Variants in PRKCE observed in about 807,000 individuals in gnomAD.
PRKCE encodes protein kinase C epsilon.
PRKCE carries 16 observed loss-of-function variants against 85.4 expected under a neutral mutation model. The ratio of observed to expected loss-of-function variants is 0.19; its 90% CI spans 0.13 to 0.28. The LOEUF (loss-of-function observed/expected upper bound fraction) is 0.28. Ranked by LOEUF, PRKCE falls within the 10% of genes least tolerant of loss-of-function variation. The probability of loss-of-function intolerance (pLI) is 1.00; values close to 1 mark genes in which losing one functional copy is unlikely to be tolerated. For missense variants in PRKCE, 573 were observed against 975.2 expected (o/e 0.59, Z 5.49); for synonymous variants, 388 against 371.5 (o/e 1.04, Z -0.51).
chr2:46,111,862 A>G (rs766622392), intron 11 of PRKCE, among the ~76,000 whole-genome samples: 7 of 152,162 alleles, frequency 4.6e-5, no homozygotes, highest in Non-Finnish European at 8.8e-5. Flanking sequence ...TAGTGACTCC[A>G]TGTTTAACTG....
chr2:46,068,400 A>T lies in PRKCE; in HGVS notation c.1438-17808A>T, dbSNP rs1179403713. Among the ~76,000 whole-genome samples, 1 of 152,198 alleles carries T rather than the reference A, an allele frequency of 6.6e-6. No individual in the cohort carries two copies. The highest frequency in any genetic ancestry group is 1.5e-5 in the Non-Finnish European group (1 of 68,026). ...AGTTCAGACAATCATAGCAGAGCAG[A>T]ACCAAAATGATATTAAATATATTAA... On this transcript the variant is annotated intron_variant, in intron 10 of 14. Coordinates refer to ENST00000306156, the MANE Select transcript of PRKCE (RefSeq NM_005400.3). This position sits in a 1 kb window ranked among gnomAD's most constrained non-coding sequence, Gnocchi z 4.3.
chr2:45,737,798 C>T (rs1320504338), intron 1 of PRKCE, among the ~76,000 whole-genome samples: 1 of 152,156 alleles, frequency 6.6e-6, no homozygotes, highest in Non-Finnish European at 1.5e-5. Flanking sequence ...CTAAGACTCA[C>T]CCCCTCTGCT....
chr2:45,670,126 T>A (rs1028480746), intron 1 of PRKCE, among the ~76,000 whole-genome samples: 1 of 152,238 alleles, frequency 6.6e-6, no homozygotes, highest in Admixed American at 6.5e-5. Context: ...CTCTGCTAGC[T>A]GAAGAGGTGG....
intron 10 of PRKCE, among the ~76,000 whole-genome samples, chr2:46,032,930 G>A (rs1342279154): frequency 6.6e-6 from 1 of 152,108 alleles, no homozygotes; most frequent in Non-Finnish European, 1.5e-5. Flanking sequence ...AATTCATCAT[G>A]GACTGGAAAC....
At chr2:45,771,443 G>C (rs1332893566) in intron 1 of PRKCE, among the ~76,000 whole-genome samples, 1 of 152,120 alleles carries the variant, frequency 6.6e-6, no homozygotes, top group African/African-American at 2.4e-5. Flanking sequence ...GGTGGAGATG[G>C]AGAACCTGTC....
rs988439506 is a variant in PRKCE, at chr2:45,954,754, G to T, written c.413-21675G>T. 2.0e-5 allele frequency among the ~76,000 whole-genome samples: 3 copies of T among 152,180 alleles called. No homozygotes were observed. In the South Asian group the frequency reaches 6.2e-4, roughly 32 times the overall value. ...ATGCAAGTACTTATTGCATGCTCTT[G>T]TAGGCCCTTTAGGGATTGTTAAACT... On this transcript the variant is annotated intron_variant, in intron 2 of 14. Coordinates refer to ENST00000306156, the MANE Select transcript of PRKCE (RefSeq NM_005400.3).
chr2:46,180,353 C>G (rs1224368722), intron 14 of PRKCE, among the ~76,000 whole-genome samples: 1 of 152,120 alleles, frequency 6.6e-6, no homozygotes, highest in Non-Finnish European at 1.5e-5. Context: ...GGGAGATGAA[C>G]CTGGGGGATG....
At chr2:46,013,160 A>G (rs1371643862) in intron 10 of PRKCE, among the ~76,000 whole-genome samples, 1 of 152,248 alleles carries the variant, frequency 6.6e-6, no homozygotes, top group Non-Finnish European at 1.5e-5. Flanking sequence ...AAGGAACCTG[A>G]TGAAGAATCA....
chr2:45,857,373 C>CT (rs1692760522), intron 2 of PRKCE, among the ~76,000 whole-genome samples: 1 of 152,182 alleles, frequency 6.6e-6, no homozygotes, highest in Admixed American at 6.5e-5. Flanking sequence ...GCAGTTTGTT[C>CT]TTTAAGAGAG....
chr2:45,882,813 C>T (rs1294369853), intron 2 of PRKCE, among the ~76,000 whole-genome samples: 2 of 152,254 alleles, frequency 1.3e-5, no homozygotes, highest in African/African-American at 4.8e-5. Flanking sequence ...TCACGTGTTA[C>T]CTCCGAGTCT....
chr2:45,943,387 A>C (rs1425621393), intron 2 of PRKCE, among the ~76,000 whole-genome samples: 1 of 152,258 alleles, frequency 6.6e-6, no homozygotes, highest in African/African-American at 2.4e-5. Context: ...TACATCTGCC[A>C]AAAGAGGGAT....
intron 2 of PRKCE, among the ~76,000 whole-genome samples, chr2:45,872,357 C>G (rs1198364246): frequency 1.3e-5 from 2 of 152,166 alleles, no homozygotes; most frequent in Non-Finnish European, 2.9e-5. Context: ...GAAACGAGGT[C>G]AGAGCGGCAG....
chr2:46,096,893 G>A (rs146834993), intron 11 of PRKCE, among the ~76,000 whole-genome samples: 1 of 152,154 alleles, frequency 6.6e-6, no homozygotes. Context: ...AGAGGGCAAG[G>A]CCTGCGGACT....
intron 10 of PRKCE, among the ~76,000 whole-genome samples, chr2:46,065,209 G>T (rs748795672): frequency 4.3e-4 from 65 of 151,972 alleles, no homozygotes; most frequent in Admixed American, 9.2e-4. Context: ...TAAGAGAAAA[G>T]GGGAAAATGA....
At chr2:46,002,360 C>T (rs1490581697) in intron 7 of PRKCE, among the ~76,000 whole-genome samples, 1 of 152,214 alleles carries the variant, frequency 6.6e-6, no homozygotes, top group African/African-American at 2.4e-5. Context: ...CATCCTCAAG[C>T]CCCCTGCTAG....
chr2:45,985,632 A>T (rs1349742732), intron 6 of PRKCE, among the ~76,000 whole-genome samples: 1 of 152,180 alleles, frequency 6.6e-6, no homozygotes, highest in East Asian at 1.9e-4. Flanking sequence ...AACTATGAGA[A>T]TTGGAAATAA....
At chr2:45,870,870 G>T (rs1694039251) in intron 2 of PRKCE, among the ~76,000 whole-genome samples, 3 of 152,192 alleles carry the variant, frequency 2.0e-5, no homozygotes, top group Non-Finnish European at 4.4e-5. Flanking sequence ...AGCGCTTGGT[G>T]ATGACAAAGA....
At chr2:45,995,453 A>G (rs1188088361) in intron 6 of PRKCE, among the ~76,000 whole-genome samples, 6 of 152,098 alleles carry the variant, frequency 3.9e-5, no homozygotes, top group Non-Finnish European at 7.4e-5. Context: ...ATTTTCTTCT[A>G]TATTATCTTC....
In PRKCE at chr2:45,895,245, G is replaced by A. The variant is rs1025440068; in HGVS notation, c.412+52182G>A. On this transcript the variant is annotated intron_variant, in intron 2 of 14. Transcript: ENST00000306156. The surrounding 1 kb of genome is among the most constrained non-coding windows in gnomAD (Gnocchi z 4.8). ...TCTCCATTTTATTTTCTCACTTCTG[G>A]CCACTGTCGGTTGTAGAGGTGCCCC... 1.3e-5 allele frequency among the ~76,000 whole-genome samples: 2 copies of A among 152,124 alleles called. No homozygotes were observed. Among genetic ancestry groups the A allele is most frequent in the Non-Finnish European group, 2.9e-5 (2 of 68,026 alleles).
Sources: allele counts gnomAD v4.1 joint callset (sites outside exome capture counted in the v4.1 genomes callset), GRCh38; gene constraint gnomAD v4.1.1; non-coding constraint Gnocchi (gnomAD v3.1); transcripts MANE v1.5; gene names NCBI Gene and HGNC (gene_info 2026-07-23, HGNC 2026-07-21).